Variants in MYO16 observed in about 807,000 individuals in gnomAD.
The protein encoded by MYO16 is myosin XVI.
A neutral mutation model predicts 205.3 loss-of-function variants in MYO16; 94 were observed. The ratio of observed to expected loss-of-function variants is 0.46; its 90% CI spans 0.39 to 0.54. The LOEUF is 0.54. Ranked by LOEUF, MYO16 falls within the 20% of genes least tolerant of loss-of-function variation. MYO16 has a pLI of 0.00. For missense variants in MYO16, 2,315 were observed against 2,387.5 expected (o/e 0.97, Z 0.63); for synonymous variants, 988 against 954.0 (o/e 1.04, Z -0.66).
chr13:108,828,158 A>G (rs923505226), intron 9 of MYO16, among the ~76,000 whole-genome samples: 7 of 152,194 alleles, frequency 4.6e-5, no homozygotes, highest in Non-Finnish European at 5.9e-5. Flanking sequence ...ATACACACCT[A>G]GCTGAGGCTT....
intron 1 of MYO16, among the ~76,000 whole-genome samples, chr13:108,641,962 G>A (rs1187362929): frequency 2.0e-5 from 3 of 152,110 alleles, no homozygotes; most frequent in African/African-American, 4.8e-5. Flanking sequence ...TGATCATTAG[G>A]GGAGACTCCA....
At chr13:108,517,738 GTTA>G in the MYO16 span, among the ~76,000 whole-genome samples, 3 of 152,160 alleles carry the variant, frequency 2.0e-5, no homozygotes, top group African/African-American at 7.2e-5. Context: ...TATTTTGTTT[GTTA>G]TTATTGTTTG....
chr13:108,967,114 T>C (rs1161505684), intron 20 of MYO16, among the ~76,000 whole-genome samples: 1 of 152,014 alleles, frequency 6.6e-6, no homozygotes, highest in Non-Finnish European at 1.5e-5. Context: ...TCCAGACATG[T>C]ATATACATAT....
chr13:108,531,474 T>C, the MYO16 span, among the ~76,000 whole-genome samples: 7 of 152,024 alleles, frequency 4.6e-5, no homozygotes, highest in African/African-American at 1.7e-4. Context: ...GATTTGGACT[T>C]GAGATAGGTT....
At chr13:108,534,742 A>G in the MYO16 span, among the ~76,000 whole-genome samples, 1 of 151,494 alleles carries the variant, frequency 6.6e-6, no homozygotes, top group Non-Finnish European at 1.5e-5. Context: ...TACTGCTACT[A>G]CAACTCCTCC....
At chr13:108,853,000 A>G (rs1877963217) in intron 10 of MYO16, among the ~76,000 whole-genome samples, 1 of 152,216 alleles carries the variant, frequency 6.6e-6, no homozygotes, top group Non-Finnish European at 1.5e-5. Flanking sequence ...ATTTTCTAAC[A>G]TTTGAAGTAG....
At chr13:108,829,526 G>C (rs1876482701) in intron 9 of MYO16, among the ~76,000 whole-genome samples, 1 of 152,154 alleles carries the variant, frequency 6.6e-6, no homozygotes, top group African/African-American at 2.4e-5. Context: ...AACCAGCTTT[G>C]GTTGGGTGAA....
intron 33 of MYO16, among the ~76,000 whole-genome samples, chr13:109,171,528 G>A (rs141148304): frequency 2.3e-4 from 35 of 152,276 alleles, no homozygotes; most frequent in South Asian, 6.2e-4. Context: ...TTATGTGTGC[G>A]TAATTATAGC....
intron 34 of MYO16, among the ~76,000 whole-genome samples, chr13:109,194,619 T>G (rs980513637): frequency 2.6e-5 from 4 of 152,128 alleles, no homozygotes; most frequent in Non-Finnish European, 4.4e-5. Flanking sequence ...GGAAGAAAAG[T>G]AGAATTCCAG....
chr13:109,003,198 T>G (rs1885273909), intron 21 of MYO16, among the ~76,000 whole-genome samples: 2 of 152,168 alleles, frequency 1.3e-5, no homozygotes, highest in Non-Finnish European at 1.5e-5. Flanking sequence ...AAATATAGAT[T>G]TAGTTCCAGA....
At chr13:108,674,703 G>A (rs1403424622) in intron 2 of MYO16, among the ~76,000 whole-genome samples, 1 of 152,330 alleles carries the variant, frequency 6.6e-6, no homozygotes, top group African/African-American at 2.4e-5. Context: ...ATTACTGGAT[G>A]TGATGTATGT....
rs147146619 is a variant in MYO16 at position 108,983,135 on chromosome 13, T to C, written c.2370-9241T>C. 3.9e-5 allele frequency among the ~76,000 whole-genome samples: 6 copies of C among 152,328 alleles called. No homozygotes were observed. In the East Asian group the frequency reaches 1.2e-3, roughly 29 times the overall value. On this transcript the variant is annotated intron_variant, in intron 20 of 34. Transcript: ENST00000457511. ...AGAAAGGTAGATTGTAATTCTCTAA[T>C]TGGTTTGAAGTACAAAATAAATATA...
Position 108,911,766 on chromosome 13 carries a change from G to A in MYO16, c.1925+1616G>A, listed in dbSNP as rs533987235. ...GCTAAATTCCTGGTATGGTAGTGGG[G>A]AGGTGGTGTTAGCACTCATGGTAAT... On this transcript the variant is annotated intron_variant, in intron 16 of 34. Coordinates refer to ENST00000457511, the MANE Select transcript of MYO16 (RefSeq NM_001198950.3). Among the ~76,000 whole-genome samples, 7 of 152,328 alleles carry A rather than the reference G, an allele frequency of 4.6e-5. 1 individual carries two copies. Among genetic ancestry groups the A allele is most frequent in the African/African-American group, 1.7e-4 (7 of 41,568 alleles).
intron 27 of MYO16, among the ~76,000 whole-genome samples, chr13:109,088,660 G>T (rs1011083613): frequency 3.3e-5 from 5 of 152,190 alleles, no homozygotes; most frequent in Admixed American, 6.5e-5. Flanking sequence ...CTGCGGATGC[G>T]GTGCCTGAGA....
At chr13:108,726,454 G>C (rs1041868044) in intron 3 of MYO16, among the ~76,000 whole-genome samples, 3 of 151,888 alleles carry the variant, frequency 2.0e-5, no homozygotes, top group Admixed American at 6.6e-5. Context: ...AGCTACTCAG[G>C]AGGCTGAGGC....
chr13:108,661,014 A>G (rs1021893672), intron 1 of MYO16, among the ~76,000 whole-genome samples: 10 of 152,174 alleles, frequency 6.6e-5, no homozygotes, highest in Non-Finnish European at 8.8e-5. Context: ...TTTGTCTGAA[A>G]ACAACTGTAT....
intron 34 of MYO16, among the ~76,000 whole-genome samples, chr13:109,190,433 A>G (rs9515003): frequency 0.5 from 76,633 of 151,928 alleles, 20,339 homozygotes; most frequent in African/African-American, 0.65. Flanking sequence ...GTGTATGTGC[A>G]CCTTGATAGA....
At chr13:108,609,258 G>A (rs1879082065) in intron 1 of MYO16, among the ~76,000 whole-genome samples, 1 of 152,126 alleles carries the variant, frequency 6.6e-6, no homozygotes, top group African/African-American at 2.4e-5. Context: ...CACAGCTGGG[G>A]CTGCAGGCTT....
chr13:108,566,503 G>T, the MYO16 span, among the ~76,000 whole-genome samples: 3 of 151,194 alleles, frequency 2.0e-5, no homozygotes, highest in African/African-American at 7.3e-5. Flanking sequence ...ATGGTGGTGG[G>T]TGCCTATAAT....
Sources: gnomAD v4.1 joint callset for allele counts (sites outside exome capture counted in the v4.1 genomes callset) on GRCh38, gnomAD v4.1.1 for gene constraint, MANE v1.5 for transcripts, NCBI Gene and HGNC (gene_info 2026-07-23, HGNC 2026-07-21) for gene names.